Variants in MCTP1 observed in about 807,000 individuals in gnomAD.
MCTP1 encodes multiple C2 and transmembrane domain containing 1, also known as multiple C2 and transmembrane domain-containing protein 1.
In MCTP1, 69 loss-of-function variants were observed where a neutral mutation model predicts 120.6. The observed-to-expected ratio is 0.57, with a 90% CI of 0.47 to 0.70. The LOEUF (loss-of-function observed/expected upper bound fraction) is 0.70. Ranked by LOEUF, MCTP1 falls within the 30% of genes least tolerant of loss-of-function variation. The pLI, the probability that MCTP1 is intolerant of heterozygous loss-of-function variation, is 0.00. For missense variants in MCTP1, 1,203 were observed against 1,248.8 expected (o/e 0.96, Z 0.55); for synonymous variants, 529 against 493.1 (o/e 1.07, Z -0.96).
intron 14 of MCTP1, 123 bp downstream of exon 14, chr5:94,871,192 G>A: frequency 1.4e-6 from 1 of 712,052 alleles, no homozygotes; most frequent in African/African-American, 1.8e-5. Flanking sequence ...AAAATTTTTA[G>A]TGTTCTTATT....
chr5:94,775,113 T>C (rs1775009308), intron 19 of MCTP1, among the ~76,000 whole-genome samples: 1 of 152,236 alleles, frequency 6.6e-6, no homozygotes, highest in Non-Finnish European at 1.5e-5. Context: ...CATCTAGTTC[T>C]CTTGAAACAC....
chr5:95,043,316 C>G (rs1842650089), intron 1 of MCTP1, among the ~76,000 whole-genome samples: 1 of 152,156 alleles, frequency 6.6e-6, no homozygotes, highest in African/African-American at 2.4e-5. Flanking sequence ...TTCTCTCCCT[C>G]CAAAACTCCT....
intron 19 of MCTP1, among the ~76,000 whole-genome samples, chr5:94,767,271 C>T (rs185043301): frequency 6.6e-5 from 10 of 152,220 alleles, no homozygotes; most frequent in African/African-American, 9.6e-5. Context: ...CATATCTCAA[C>T]GTAATAAAGG....
chr5:94,914,024 G>A (rs750901974), intron 8 of MCTP1, among the ~76,000 whole-genome samples: 1 of 152,066 alleles, frequency 6.6e-6, no homozygotes, highest in African/African-American at 2.4e-5. Flanking sequence ...ACAGGCATAA[G>A]CCACCACACC....
chr5:95,036,231 A>G (rs539943810), intron 1 of MCTP1, among the ~76,000 whole-genome samples: 1 of 152,300 alleles, frequency 6.6e-6, no homozygotes, highest in East Asian at 1.9e-4. Flanking sequence ...GTTTCAATAG[A>G]TCAAGACCAG....
At chr5:95,215,371 CT>C (rs1752921952) in intron 1 of MCTP1, among the ~76,000 whole-genome samples, 1 of 152,172 alleles carries the variant, frequency 6.6e-6, no homozygotes, top group Non-Finnish European at 1.5e-5. Flanking sequence ...TTGTGATAGA[CT>C]GATTTCCTTC....
chr5:95,096,531 G>A (rs1756280012), intron 1 of MCTP1, among the ~76,000 whole-genome samples: 1 of 152,124 alleles, frequency 6.6e-6, no homozygotes, highest in Non-Finnish European at 1.5e-5. Context: ...GAGTGCATGT[G>A]AAGCAAGAGA....
At chr5:94,761,870 C>A (rs1771427727) in intron 19 of MCTP1, among the ~76,000 whole-genome samples, 1 of 152,206 alleles carries the variant, frequency 6.6e-6, no homozygotes, top group East Asian at 1.9e-4. Context: ...TCATCAGAAG[C>A]CTCGTGGCTT....
intron 19 of MCTP1, among the ~76,000 whole-genome samples, chr5:94,723,735 G>A (rs1761447681): frequency 6.6e-6 from 1 of 152,050 alleles, no homozygotes. Flanking sequence ...TAATTTGCAT[G>A]CAACTTTAAA....
chr5:94,823,244 C>T (rs139578375), intron 17 of MCTP1, among the ~76,000 whole-genome samples: 3 of 152,180 alleles, frequency 2.0e-5, no homozygotes, highest in Non-Finnish European at 4.4e-5. Flanking sequence ...AAGGAAGGGT[C>T]CAGTTTAAGT....
intron 2 of MCTP1, among the ~76,000 whole-genome samples, chr5:94,955,212 C>T (rs555547163): frequency 6.6e-5 from 10 of 152,256 alleles, no homozygotes; most frequent in Admixed American, 1.3e-4. Context: ...GGGACCATGC[C>T]GTGAGGGACA....
At chr5:95,117,897 G>A (rs566333073) in intron 1 of MCTP1, among the ~76,000 whole-genome samples, 2 of 152,230 alleles carry the variant, frequency 1.3e-5, no homozygotes, top group South Asian at 4.1e-4. Context: ...ATTATCCTTA[G>A]CAAACTAACG....
chr5:94,850,901 T>C (rs1793556392), intron 17 of MCTP1, among the ~76,000 whole-genome samples: 1 of 152,140 alleles, frequency 6.6e-6, no homozygotes, highest in Non-Finnish European at 1.5e-5. Flanking sequence ...AAGGGTACAG[T>C]GTATACTACA....
chr5:95,201,464 GTTTTTTTTTTTTTTTTTTT>G (rs70978174), intron 1 of MCTP1, among the ~76,000 whole-genome samples: 5 of 97,192 alleles, frequency 5.1e-5, no homozygotes, highest in South Asian at 3.6e-4. Flanking sequence ...AGGAAAAGTG[GTTTTTTTTTTTTTTTTTTT>G]TTTTTTTTTT....
chr5:94,983,289 A>G (rs1434097144), intron 2 of MCTP1, among the ~76,000 whole-genome samples: 2 of 152,188 alleles, frequency 1.3e-5, no homozygotes, highest in African/African-American at 4.8e-5. Context: ...TCACCTACCT[A>G]AACTGTGAGC....
chr5:95,214,331 G>C (rs867328811), intron 1 of MCTP1, among the ~76,000 whole-genome samples: 2,277 of 151,508 alleles, frequency 0.015, no homozygotes, highest in African/African-American at 0.052. Context: ...TCTCACACCA[G>C]TTAGAATGGC....
intron 8 of MCTP1, 77 bp downstream of exon 8, chr5:94,917,819 T>G: frequency 1.8e-6 from 2 of 1,131,922 alleles, no homozygotes; most frequent in South Asian, 2.5e-5. Context: ...GGGTTTTCAG[T>G]ACAGTAAGTT....
At position 94,912,800 on chromosome 5, in the gene MCTP1, G is replaced by A. The variant is rs772888216; in HGVS notation, c.1521+6C>T. The A allele has an allele frequency of 9.0e-6, 14 of 1,550,796 alleles. No individual in the cohort carries two copies. The highest frequency in any genetic ancestry group is 1.2e-5 in the Non-Finnish European group (14 of 1,149,352). Reference sequence around the variant, plus strand: ...ATTGACAGGAACACAATAGAGACAAGGTTACCTTGCTCTTGTACTTCTGAT... The same window carrying A: ...ATTGACAGGAACACAATAGAGACAAAGTTACCTTGCTCTTGTACTTCTGAT... On this transcript the variant is annotated splice_donor_region_variant and intron_variant, in intron 9 of 22. Transcript: ENST00000515393.
chr5:94,738,109 C>A (rs1764681573), intron 19 of MCTP1, among the ~76,000 whole-genome samples: 1 of 152,238 alleles, frequency 6.6e-6, no homozygotes, highest in Non-Finnish European at 1.5e-5. Flanking sequence ...ATACTTAAAA[C>A]AGTATGTTCT....
Sources: allele counts gnomAD v4.1 joint callset (sites outside exome capture counted in the v4.1 genomes callset), GRCh38; gene constraint gnomAD v4.1.1; transcripts MANE v1.5; gene names NCBI Gene and HGNC (gene_info 2026-07-23, HGNC 2026-07-21).